NLGN4X: variants seen among roughly 807,000 people sequenced by gnomAD.
NLGN4X encodes the protein neuroligin-4, X-linked.
A neutral mutation model predicts 40.3 loss-of-function variants in NLGN4X; 3 were observed. That is an observed-to-expected ratio of 0.07 (90% CI 0.03 to 0.19). NLGN4X has a LOEUF of 0.19. Ranked by LOEUF, NLGN4X falls within the 10% of genes least tolerant of loss-of-function variation. The pLI is 1.00. For synonymous variants in NLGN4X, 270 were observed against 306.8 expected, an observed-to-expected ratio of 0.88 and a Z score of 1.25; for missense variants, 382 against 708.3, an observed-to-expected ratio of 0.54 and a Z score of 5.23.
At chrX:6,044,676 T>C (rs996853028) in intron 2 of NLGN4X, among the ~76,000 whole-genome samples, 4 of 110,728 alleles carry the variant, frequency 3.6e-5, no homozygotes, top group Admixed American at 2.9e-4. Context: ...GTGATGAAGA[T>C]GTCAGTGTAA....
intron 1 of NLGN4X, among the ~76,000 whole-genome samples, chrX:6,167,076 A>T (rs1199645387): frequency 5.8e-4 from 61 of 104,758 alleles, no homozygotes; most frequent in Non-Finnish European, 9.2e-4. Flanking sequence ...TCTCAAAAAA[A>T]AAAAAAAAAA....
At chrX:5,921,983 G>A (rs2033087697) in intron 3 of NLGN4X, among the ~76,000 whole-genome samples, 2 of 111,645 alleles carry the variant, frequency 1.8e-5, no homozygotes, top group South Asian at 3.8e-4. Flanking sequence ...ACTGCAGAAG[G>A]AAAGAACAAG....
chrX:6,097,725 T>C (rs1466324588), intron 2 of NLGN4X, among the ~76,000 whole-genome samples: 1 of 111,868 alleles, frequency 8.9e-6, no homozygotes, highest in Non-Finnish European at 1.9e-5. Context: ...AAAAGGTCCA[T>C]GTCACTCATT....
chrX:6,213,204 G>A (rs1924773364), intron 1 of NLGN4X, among the ~76,000 whole-genome samples: 1 of 111,105 alleles, frequency 9.0e-6, no homozygotes, highest in South Asian at 3.9e-4. Context: ...AGGGTGAGAT[G>A]AAGGAAACCT....
intron 2 of NLGN4X, among the ~76,000 whole-genome samples, chrX:6,032,312 T>C (rs1293600177): frequency 1.1e-5 from 1 of 93,320 alleles, no homozygotes; most frequent in Non-Finnish European, 2.1e-5. Flanking sequence ...AGCTCCAAAG[T>C]AGTATATTAA....
rs906875756 is a variant in NLGN4X at position 5,890,395 on chromosome X, G to A, written c.*2422C>T. 6 of 237,928 alleles carry A rather than the reference G, an allele frequency of 2.5e-5. No individual in the cohort carries two copies. The highest frequency in any genetic ancestry group is 1.8e-4 in the African/African-American group (6 of 33,809). 19.6% of individuals were successfully genotyped at this position (237,928 alleles called of 1,213,427 possible). On this transcript the variant is annotated 3_prime_UTR_variant, in exon 6 of 6. Coordinates refer to ENST00000381095, the MANE Select transcript of NLGN4X (RefSeq NM_181332.3). ...AAATCACTTTTGATCATAATCCCCT[G>A]TAAAAGCTAAAGTTATTCACTTAAC...
At chrX:5,949,223 T>C (rs184259328) in intron 3 of NLGN4X, among the ~76,000 whole-genome samples, 157 of 112,017 alleles carry the variant, frequency 1.4e-3, no homozygotes, top group Non-Finnish European at 1.7e-3. Context: ...TCTGCATCCA[T>C]TTCTATCTAT....
chrX:6,192,690 A>C (rs1922651817), intron 1 of NLGN4X, among the ~76,000 whole-genome samples: 1 of 111,181 alleles, frequency 9.0e-6, no homozygotes, highest in Non-Finnish European at 1.9e-5. Flanking sequence ...TGTTTCCCAT[A>C]AGTGTGGCCA....
chrX:6,124,418 A>C (rs2039496841), intron 2 of NLGN4X, among the ~76,000 whole-genome samples: 1 of 112,269 alleles, frequency 8.9e-6, no homozygotes, highest in South Asian at 3.7e-4. Context: ...GCAGTGGCCC[A>C]CGCCTGTAAT....
intron 3 of NLGN4X, among the ~76,000 whole-genome samples, chrX:5,997,774 G>A (rs919778719): frequency 9.1e-6 from 1 of 109,602 alleles, no homozygotes; most frequent in African/African-American, 3.3e-5. Context: ...GGCCCAGAGA[G>A]GTTAAGTCAA....
chrX:5,956,914 AT>A (rs2034510325), intron 3 of NLGN4X, among the ~76,000 whole-genome samples: 1 of 111,391 alleles, frequency 9.0e-6, no homozygotes, highest in African/African-American at 3.3e-5. Flanking sequence ...GATTATTGGC[AT>A]TTTTTATTGG....
chrX:5,893,802 G>A (rs868343768), intron 5 of NLGN4X, 136 bp from the exon 6 acceptor site: 1 of 696,726 alleles, frequency 1.4e-6, no homozygotes, highest in Non-Finnish European at 2.1e-6. Flanking sequence ...TACCCAAGCA[G>A]CAAAGGTACA....
chrX:5,914,595 GTATATATATATAATATATGTATGTA>G (rs2032682334), intron 3 of NLGN4X, among the ~76,000 whole-genome samples: 1 of 79,556 alleles, frequency 1.3e-5, no homozygotes, highest in African/African-American at 5.2e-5. Flanking sequence ...ATGTGTGTAT[GTATATATATATAATATATGTATGTA>G]TATATATATA....
At chrX:6,141,729 G>A (rs1024865803) in intron 2 of NLGN4X, among the ~76,000 whole-genome samples, 3 of 111,084 alleles carry the variant, frequency 2.7e-5, no homozygotes, top group Non-Finnish European at 5.7e-5. Context: ...TGAGGCAGGA[G>A]AATCACTTGA....
At chrX:6,215,878 C>CTT (rs113885626) in intron 1 of NLGN4X, among the ~76,000 whole-genome samples, 2 of 91,885 alleles carry the variant, frequency 2.2e-5, no homozygotes, top group Non-Finnish European at 2.1e-5. Flanking sequence ...TACTCAAACA[C>CTT]TTTTTTTTTT....
chrX:5,920,030 A>G (rs888843822), intron 3 of NLGN4X, among the ~76,000 whole-genome samples: 2 of 111,981 alleles, frequency 1.8e-5, no homozygotes, highest in Non-Finnish European at 3.8e-5. Context: ...AAACTTTTGC[A>G]TAACCCTAGC....
chrX:6,013,536 G>A (rs6654809), intron 3 of NLGN4X, among the ~76,000 whole-genome samples: 8,528 of 62,619 alleles, frequency 0.14, 752 homozygotes, highest in African/African-American at 0.28. Flanking sequence ...TAGGGAGAGA[G>A]AGGTAGTATG....
At chrX:5,926,934 T>TTCTA (rs3072082) in intron 3 of NLGN4X, among the ~76,000 whole-genome samples, 45,835 of 96,616 alleles carry the variant, frequency 0.47, 9,012 homozygotes, top group Non-Finnish European at 0.51. Flanking sequence ...TCTCTATATC[T>TTCTA]TCTATCTATC....
chrX:6,125,701 C>T (rs917190984), intron 2 of NLGN4X, among the ~76,000 whole-genome samples: 1 of 111,399 alleles, frequency 9.0e-6, no homozygotes, highest in African/African-American at 3.2e-5. Context: ...CACATAAAAA[C>T]TCACCACCCA....
Sources: gnomAD v4.1 joint callset for allele counts (sites outside exome capture counted in the v4.1 genomes callset) on GRCh38, gnomAD v4.1.1 for gene constraint, MANE v1.5 for transcripts, NCBI Gene and HGNC (gene_info 2026-07-23, HGNC 2026-07-21) for gene names.